AGBL4: variants seen among roughly 807,000 people sequenced by gnomAD.
AGBL4 encodes AGBL carboxypeptidase 4, also known as cytosolic carboxypeptidase 6.
Under a neutral mutation model 66.4 loss-of-function variants are expected in AGBL4, and 58 were observed. The ratio of observed to expected loss-of-function variants is 0.87; its 90% CI spans 0.71 to 1.09. The LOEUF (loss-of-function observed/expected upper bound fraction) is 1.09, where lower values mean the gene tolerates loss of function less well. Ranked by LOEUF, AGBL4 falls within the 50% of genes least tolerant of loss-of-function variation. AGBL4 has a pLI of 0.00. For missense variants in AGBL4, 579 were observed against 631.0 expected, an observed-to-expected ratio of 0.92 and a Z score of 0.88; for synonymous variants, 234 against 222.9, an observed-to-expected ratio of 1.05 and a Z score of -0.44.
intron 1 of AGBL4, among the ~76,000 whole-genome samples, chr1:49,932,005 T>TC (rs1361795638): frequency 1.3e-5 from 2 of 152,120 alleles, no homozygotes; most frequent in African/African-American, 4.8e-5. Context: ...TAGAGGAGCA[T>TC]CTCAGATTTT....
chr1:49,739,574 A>C (rs968178551), intron 2 of AGBL4, among the ~76,000 whole-genome samples: 2 of 152,130 alleles, frequency 1.3e-5, no homozygotes, highest in African/African-American at 4.8e-5. Flanking sequence ...GATACTCCTC[A>C]AGAAGAGCAA....
At chr1:49,534,806 T>C (rs1432985230) in intron 3 of AGBL4, among the ~76,000 whole-genome samples, 1 of 152,198 alleles carries the variant, frequency 6.6e-6, no homozygotes. Flanking sequence ...TTCAGTATTT[T>C]AGAAGCCAAG....
At chr1:48,971,278 C>T (rs543548970) in intron 5 of AGBL4, among the ~76,000 whole-genome samples, 14 of 152,132 alleles carry the variant, frequency 9.2e-5, no homozygotes, top group African/African-American at 1.9e-4. Flanking sequence ...TTGTGAACTG[C>T]GCAAATGAGG....
chr1:48,611,642 G>C (rs1203733953), intron 9 of AGBL4, among the ~76,000 whole-genome samples: 1 of 152,082 alleles, frequency 6.6e-6, no homozygotes, highest in Non-Finnish European at 1.5e-5. Flanking sequence ...CAGAGTTTTG[G>C]CCATTATCCT....
chr1:49,310,689 A>G (rs1174332583), intron 3 of AGBL4, among the ~76,000 whole-genome samples: 1 of 152,068 alleles, frequency 6.6e-6, no homozygotes, highest in Non-Finnish European at 1.5e-5. Flanking sequence ...ATTCTGCAAC[A>G]TACATTACTC....
chr1:49,294,227 G>T (rs6676324), intron 3 of AGBL4, among the ~76,000 whole-genome samples: 2,308 of 152,252 alleles, frequency 0.015, 54 homozygotes, highest in African/African-American at 0.051. Context: ...ATGTTATAGG[G>T]AGACTACATT....
intron 4 of AGBL4, among the ~76,000 whole-genome samples, chr1:49,163,681 A>G (rs934633882): frequency 9.2e-5 from 14 of 152,186 alleles, no homozygotes; most frequent in African/African-American, 3.4e-4. Flanking sequence ...TCAATCACAC[A>G]TTATAACTAT....
In AGBL4 at chr1:49,679,801, T is replaced by C. The variant is rs368745338; in HGVS notation, c.282+17512A>G. 1.8e-4 allele frequency among the ~76,000 whole-genome samples: 28 copies of C among 152,290 alleles called. 1 individual carries two copies. In the East Asian group the frequency reaches 4.1e-3, roughly 22 times the overall value. ...ATATACATAACTTATCATAGTCTAC[T>C]TTGTCAACATTTACCAGTTTGAGTG... On this transcript the variant is annotated intron_variant, in intron 3 of 13. Coordinates refer to ENST00000371839, the MANE Select transcript of AGBL4 (RefSeq NM_032785.4).
At chr1:49,436,909 C>A (rs1359023063) in intron 3 of AGBL4, among the ~76,000 whole-genome samples, 1 of 152,026 alleles carries the variant, frequency 6.6e-6, no homozygotes, top group African/African-American at 2.4e-5. Flanking sequence ...GTGAATTCCA[C>A]AACAGGAGCA....
intron 3 of AGBL4, among the ~76,000 whole-genome samples, chr1:49,639,476 C>A (rs1213966437): frequency 6.6e-6 from 1 of 152,142 alleles, no homozygotes; most frequent in Non-Finnish European, 1.5e-5. Flanking sequence ...TTCTTCTTAT[C>A]CTATTTACAA....
chr1:49,046,091 T>C (rs994251481), intron 4 of AGBL4, among the ~76,000 whole-genome samples: 18 of 152,204 alleles, frequency 1.2e-4, no homozygotes, highest in African/African-American at 4.3e-4. Flanking sequence ...ACTTAACATA[T>C]GTGGCATCAA....
At chr1:48,825,870 G>A (rs1646417314) in intron 6 of AGBL4, among the ~76,000 whole-genome samples, 1 of 152,172 alleles carries the variant, frequency 6.6e-6, no homozygotes, top group South Asian at 2.1e-4. Flanking sequence ...GGGGAGACAA[G>A]GAAGGTGCTT....
Position 48,534,218 on chromosome 1 carries a change from G to A in AGBL4, c.1467C>T (p.Asp489=), listed in dbSNP as rs1464545814. Reference sequence around the variant, plus strand: ...CTTTGTGGTTCACTGAGCTCTTCTTGTCCCCTTTGCTGTTGGGGTAGTTGC... The same window carrying A: ...CTTTGTGGTTCACTGAGCTCTTCTTATCCCCTTTGCTGTTGGGGTAGTTGC... ...PASNYPNSKG[D]KKSSVNHKDP... The change falls in exon 14 of 14, where the codon GAC becomes GAT. Residue 489 remains aspartate, a synonymous_variant. Transcript: ENST00000371839. 1 of 1,551,646 alleles carries A rather than the reference G, an allele frequency of 6.4e-7. No homozygotes were observed. The highest frequency in any genetic ancestry group is 2.4e-5 in the East Asian group (1 of 40,916).
chr1:48,562,884 G>T (rs952374564), intron 11 of AGBL4, among the ~76,000 whole-genome samples: 4 of 152,194 alleles, frequency 2.6e-5, no homozygotes, highest in Non-Finnish European at 5.9e-5. Flanking sequence ...TAGACACTGG[G>T]ATGCAAAAGT....
intron 1 of AGBL4, among the ~76,000 whole-genome samples, chr1:49,982,927 G>A (rs1190031037): frequency 1.3e-5 from 2 of 152,092 alleles, no homozygotes; most frequent in Non-Finnish European, 2.9e-5. Context: ...CCCACTCCTG[G>A]ATCTCCTCTC....
intron 6 of AGBL4, among the ~76,000 whole-genome samples, chr1:48,732,571 G>C (rs1648316398): frequency 6.6e-6 from 1 of 151,776 alleles, no homozygotes; most frequent in Non-Finnish European, 1.5e-5. Flanking sequence ...GAGTGGCTGG[G>C]GAGGCCTCTC....
At chr1:49,933,686 GAAGTT>G (rs1653611179) in intron 1 of AGBL4, among the ~76,000 whole-genome samples, 1 of 152,062 alleles carries the variant, frequency 6.6e-6, no homozygotes, top group Non-Finnish European at 1.5e-5. Context: ...GTAAGCAGTT[GAAGTT>G]AAGTTGTTAT....
chr1:50,000,767 AG>A (rs1434120606), intron 1 of AGBL4, among the ~76,000 whole-genome samples: 5 of 152,218 alleles, frequency 3.3e-5, no homozygotes, highest in African/African-American at 1.2e-4. Context: ...TGGCATTCAC[AG>A]CAACCTGGAC....
At chr1:49,423,080 G>A (rs2148645035) in intron 3 of AGBL4, 1 of 152,318 alleles carries the variant, frequency 6.6e-6, no homozygotes, top group African/African-American at 2.4e-5. Context: ...AGGATGCAAA[G>A]GTCTGGGTCC....
Sources: allele counts gnomAD v4.1 joint callset (sites outside exome capture counted in the v4.1 genomes callset), GRCh38; gene constraint gnomAD v4.1.1; transcripts MANE v1.5; gene names NCBI Gene and HGNC (gene_info 2026-07-23, HGNC 2026-07-21).